The following MAPK10 variants were observed in gnomAD, a reference collection of about 807,000 sequenced individuals.
The protein encoded by MAPK10 is mitogen-activated protein kinase 10.
A neutral mutation model predicts 59.3 loss-of-function variants in MAPK10; 25 were observed. The observed-to-expected ratio is 0.42, with a 90% CI of 0.31 to 0.59. The LOEUF (loss-of-function observed/expected upper bound fraction) is 0.59, where lower values mean the gene tolerates loss of function less well. MAPK10 is among the 20% of genes least tolerant of loss of function. MAPK10 has a pLI of 0.15. For synonymous variants in MAPK10, 190 were observed against 200.5 expected (o/e 0.95, Z 0.44); for missense variants, 351 against 568.9 (o/e 0.62, Z 3.90).
chr4:86,290,408 A>C (rs1305343557), intron 2 of MAPK10, among the ~76,000 whole-genome samples: 2 of 152,208 alleles, frequency 1.3e-5, no homozygotes, highest in South Asian at 2.1e-4. Flanking sequence ...CTCTTTCTTC[A>C]GGTCTTTACT....
intron 3 of MAPK10, among the ~76,000 whole-genome samples, chr4:86,180,099 A>G (rs1287164618): frequency 2.0e-5 from 3 of 152,144 alleles, no homozygotes; most frequent in Non-Finnish European, 4.4e-5. Context: ...AAGGGAATTA[A>G]TATCCTAAAT....
chr4:86,074,400 G>T (rs1308475367), intron 9 of MAPK10, among the ~76,000 whole-genome samples: 1 of 150,802 alleles, frequency 6.6e-6, no homozygotes, highest in African/African-American at 2.5e-5. Context: ...TACATTTAAA[G>T]TTAATATTGT....
At chr4:86,457,765 A>T (rs530140736), upstream of MAPK10, among the ~76,000 whole-genome samples, 32 of 152,294 alleles carry the variant, frequency 2.1e-4, no homozygotes, top group African/African-American at 7.5e-4. Context: ...TGCAATTCAC[A>T]TCAAAATACC....
At chr4:86,519,568 T>G (rs943881242) in intron 1 of MAPK10, among the ~76,000 whole-genome samples, 6 of 152,216 alleles carry the variant, frequency 3.9e-5, no homozygotes, top group Non-Finnish European at 5.9e-5. Context: ...TGAATTCTTA[T>G]CCATTCTGCC....
chr4:86,182,653 AAAAT>A (rs758073328), intron 3 of MAPK10, among the ~76,000 whole-genome samples: 23 of 152,168 alleles, frequency 1.5e-4, no homozygotes, highest in Non-Finnish European at 2.6e-4. Context: ...TCTGCCTCTA[AAAAT>A]AAATACACTG....
chr4:86,089,493 T>G, intron 9 of MAPK10: 1 of 426,128 alleles, frequency 2.3e-6, no homozygotes, highest in Non-Finnish European at 4.2e-6. Flanking sequence ...ATAACAACAC[T>G]ACCCAATGCT....
chr4:86,075,944 T>C (rs1371571899), intron 9 of MAPK10, among the ~76,000 whole-genome samples: 1 of 152,070 alleles, frequency 6.6e-6, no homozygotes, highest in Non-Finnish European at 1.5e-5. Flanking sequence ...TCCAGGCTGC[T>C]TTGTTTACCT....
chr4:86,439,623 C>T (rs1749178238), intron 1 of MAPK10, among the ~76,000 whole-genome samples: 1 of 152,130 alleles, frequency 6.6e-6, no homozygotes, highest in South Asian at 2.1e-4. Context: ...GGTAGAATTG[C>T]TGGGTTATAT....
chr4:86,449,639 A>G (rs1156463014), intron 1 of MAPK10, among the ~76,000 whole-genome samples: 1 of 152,204 alleles, frequency 6.6e-6, no homozygotes, highest in Non-Finnish European at 1.5e-5. Flanking sequence ...GTCTCCTTCA[A>G]TGTGGAGGAA....
At chr4:86,412,935 C>T (rs12511114) in intron 1 of MAPK10, among the ~76,000 whole-genome samples, 28,300 of 152,124 alleles carry the variant, frequency 0.19, 2,724 homozygotes, top group South Asian at 0.28. Flanking sequence ...CGTCAAGTTT[C>T]GTTCCCTTGC....
chr4:86,316,755 G>A (rs2095795677), intron 2 of MAPK10, among the ~76,000 whole-genome samples: 1 of 152,070 alleles, frequency 6.6e-6, no homozygotes, highest in African/African-American at 2.4e-5. Context: ...AGTGCCCACA[G>A]GGACTACACA....
intron 2 of MAPK10, among the ~76,000 whole-genome samples, chr4:86,330,641 G>A (rs62307370): frequency 0.45 from 69,064 of 151,850 alleles, 16,067 homozygotes; most frequent in Non-Finnish European, 0.51. Flanking sequence ...TGAAGGATGT[G>A]TTTGCTTCCC....
At chr4:86,201,727 T>C (rs1309537052) in intron 2 of MAPK10, among the ~76,000 whole-genome samples, 1 of 151,826 alleles carries the variant, frequency 6.6e-6, no homozygotes, top group Non-Finnish European at 1.5e-5. Flanking sequence ...TTTCCTTTTA[T>C]GATTAGCTTG....
chr4:86,372,564 G>GAAAGAAAGAAAGAAAGAGA, intron 1 of MAPK10, among the ~76,000 whole-genome samples: 2 of 78,690 alleles, frequency 2.5e-5, no homozygotes, highest in Non-Finnish European at 5.5e-5. Flanking sequence ...AAGAAAGAAA[G>GAAAGAAAGAAAGAAAGAGA]AAAGAAAAGA....
At chr4:86,527,484 G>T (rs1757552515) in intron 1 of MAPK10, among the ~76,000 whole-genome samples, 1 of 152,006 alleles carries the variant, frequency 6.6e-6, no homozygotes, top group Admixed American at 6.6e-5. Context: ...CAGTCAGCAT[G>T]CCAATTATTA....
chr4:86,554,389 A>G (rs1365557632), intron 1 of MAPK10, among the ~76,000 whole-genome samples: 1 of 152,120 alleles, frequency 6.6e-6, no homozygotes, highest in Admixed American at 6.5e-5. Context: ...TCACAAGGGC[A>G]CTTGAACCTA....
upstream of MAPK10, among the ~76,000 whole-genome samples, chr4:86,457,367 G>C (rs571582236): frequency 5.7e-4 from 86 of 152,174 alleles, no homozygotes; most frequent in Non-Finnish European, 1.1e-3. Flanking sequence ...AAGTCAAACT[G>C]TCACTGTTTG....
intron 1 of MAPK10, among the ~76,000 whole-genome samples, chr4:86,587,955 C>G (rs553190610): frequency 6.6e-6 from 1 of 152,090 alleles, no homozygotes; most frequent in Non-Finnish European, 1.5e-5. Flanking sequence ...AGTTTGAGGC[C>G]GCTGTGTAGT....
At chr4:86,372,564 G>GAAAGAAAGAAAGAAAGA in intron 1 of MAPK10, among the ~76,000 whole-genome samples, 1,653 of 77,422 alleles carry the variant, frequency 0.021, 14 homozygotes, top group Admixed American at 0.027. Flanking sequence ...AAGAAAGAAA[G>GAAAGAAAGAAAGAAAGA]AAAGAAAAGA....
Sources: gnomAD v4.1 joint callset for allele counts (sites outside exome capture counted in the v4.1 genomes callset) on GRCh38, gnomAD v4.1.1 for gene constraint, MANE v1.5 for transcripts, NCBI Gene and HGNC (gene_info 2026-07-23, HGNC 2026-07-21) for gene names.